CNIH1: variants seen among roughly 807,000 people sequenced by gnomAD.
CNIH1 encodes cornichon family member 1.
CNIH1 carries 12 observed loss-of-function variants against 20.2 expected under a neutral mutation model. The observed-to-expected ratio is 0.59, with a 90% CI of 0.38 to 0.96. The LOEUF (loss-of-function observed/expected upper bound fraction) is 0.96, where lower values mean the gene tolerates loss of function less well. CNIH1 is among the 40% of genes least tolerant of loss of function. CNIH1 has a pLI of 0.00. For missense variants in CNIH1, 152 were observed against 178.8 expected (o/e 0.85, Z 0.85); for synonymous variants, 69 against 63.3 (o/e 1.09, Z -0.43).
chr14:54,427,658 A>G lies in CNIH1; in HGVS notation c.*156T>C. ...ATATGAAAACAGTCTTTCCACAAGCAAAAATGTGGAAACATTTAAAAAATA... is the reference window on the plus strand; with the variant it reads ...ATATGAAAACAGTCTTTCCACAAGCGAAAATGTGGAAACATTTAAAAAATA... On this transcript the variant is annotated 3_prime_UTR_variant, in exon 5 of 5. Transcript: ENST00000216416. The G allele has an allele frequency of 2.8e-6, 2 of 727,094 alleles. No homozygotes were observed. Among genetic ancestry groups the G allele is most frequent in the Non-Finnish European group, 4.6e-6 (2 of 434,002 alleles). 45.0% of individuals were successfully genotyped at this position (727,094 alleles called of 1,614,324 possible).
intron 4 of CNIH1, 45 bp from the exon 5 acceptor site, chr14:54,427,886 T>TA (rs371629087): frequency 5.6e-4 from 875 of 1,574,906 alleles, no homozygotes; most frequent in Middle Eastern, 1.5e-3. Flanking sequence ...TACTAATTAT[T>TA]AAAAAAAAAC....
At chr14:54,430,121 C>T (rs182620125) in intron 4 of CNIH1, 140 bp downstream of exon 4, 32 of 835,552 alleles carry the variant, frequency 3.8e-5, no homozygotes, top group Admixed American at 3.1e-4. Flanking sequence ...TGAATGTGTG[C>T]GAATTTGCTG....
intron 1 of CNIH1, among the ~76,000 whole-genome samples, chr14:54,437,429 C>A (rs2031075928): frequency 6.7e-6 from 1 of 149,540 alleles, no homozygotes; most frequent in South Asian, 2.1e-4. Flanking sequence ...AATTTAGATT[C>A]ATAAAAAGAC....
chr14:54,432,598 T>C (rs569322648), intron 2 of CNIH1, among the ~76,000 whole-genome samples: 2 of 152,316 alleles, frequency 1.3e-5, no homozygotes, highest in Admixed American at 1.3e-4. Flanking sequence ...AGATATCTGA[T>C]CACATGCAAC....
chr14:54,432,947 TAC>T (rs1464459571), intron 2 of CNIH1, among the ~76,000 whole-genome samples: 2 of 152,166 alleles, frequency 1.3e-5, no homozygotes, highest in Non-Finnish European at 2.9e-5. Context: ...AACAAAATGC[TAC>T]AGACACAACA....
intron 3 of CNIH1, 31 bp downstream of exon 3, chr14:54,432,077 A>C: frequency 8.2e-7 from 1 of 1,214,644 alleles, no homozygotes; most frequent in Middle Eastern, 2.8e-4. Context: ...TTTTAATTTA[A>C]AAAAATATTA....
intron 3 of CNIH1, 24 bp downstream of exon 3, chr14:54,432,084 A>T (rs745597432): frequency 7.9e-7 from 1 of 1,258,334 alleles, no homozygotes; most frequent in Non-Finnish European, 1.1e-6. Context: ...TTAAAAAAAT[A>T]TTAAAAGTGT....
At chr14:54,430,519 T>A in intron 3 of CNIH1, 115 bp from the exon 4 acceptor site, 2 of 964,942 alleles carry the variant, frequency 2.1e-6, no homozygotes, top group Non-Finnish European at 3.0e-6. Context: ...AGGGAAGCAT[T>A]CTTTTACTTA....
intron 1 of CNIH1, among the ~76,000 whole-genome samples, chr14:54,437,438 A>G (rs189553691): frequency 8.9e-4 from 132 of 148,550 alleles, no homozygotes; most frequent in African/African-American, 3.1e-3. Context: ...TCATAAAAAG[A>G]CGGTTTTTTT....
In CNIH1 at chr14:54,425,521, T is replaced by C. The variant is rs1377371053; in HGVS notation, c.*2293A>G. 6.6e-6 allele frequency: 1 copy of C among 152,166 alleles called. No homozygotes were observed. The highest frequency in any genetic ancestry group is 2.4e-5 in the African/African-American group (1 of 41,446). The allele number at this position is 152,166 out of a possible 1,614,324, so 9.4% of individuals were successfully genotyped here. A position where few individuals can be genotyped will look rare whatever the true frequency, so the allele number is the denominator to read the frequency against. On this transcript the variant is annotated 3_prime_UTR_variant, in exon 5 of 5. Coordinates refer to ENST00000216416, the MANE Select transcript of CNIH1 (RefSeq NM_005776.3). ...TAGGCTAGGGCCACCCCAAAGAGAT[T>C]GATGTGGAAAATAAATCCAGAGCAA... is the stretch of plus-strand genomic sequence containing the variant.
At chr14:54,431,755 G>A (rs1382614172) in intron 3 of CNIH1, among the ~76,000 whole-genome samples, 2 of 152,176 alleles carry the variant, frequency 1.3e-5, no homozygotes, top group Admixed American at 6.5e-5. Flanking sequence ...GAGGGTAACT[G>A]ACTTAAGATG....
intron 1 of CNIH1, among the ~76,000 whole-genome samples, chr14:54,439,491 C>T (rs2031124126): frequency 6.6e-6 from 1 of 151,970 alleles, no homozygotes; most frequent in African/African-American, 2.4e-5. Context: ...GAATACCCAT[C>T]AAGCAGAATG....
At chr14:54,436,342 A>G (rs953317220) in intron 2 of CNIH1, 27 bp downstream of exon 2, 3 of 1,260,058 alleles carry the variant, frequency 2.4e-6, no homozygotes, top group East Asian at 4.6e-5. Context: ...TTTAAAATCT[A>G]AAGATAAATC....
intron 4 of CNIH1, among the ~76,000 whole-genome samples, chr14:54,429,620 G>A (rs999737546): frequency 1.2e-4 from 18 of 152,124 alleles, no homozygotes; most frequent in South Asian, 1.0e-3. Context: ...TTAGCCGGGC[G>A]TGGTGGTGCA....
rs570173904 is a variant in CNIH1, at chr14:54,426,127, G to C, written c.*1687C>G. Reference sequence around the variant, plus strand: ...CCAGCAAGTACTCAATAAATAATTTGTTACATGAACTGACCAAGAGTCAGA... The same window carrying C: ...CCAGCAAGTACTCAATAAATAATTTCTTACATGAACTGACCAAGAGTCAGA... On this transcript the variant is annotated 3_prime_UTR_variant, in exon 5 of 5. Transcript: ENST00000216416. 35 of 152,298 alleles carry C rather than the reference G, an allele frequency of 2.3e-4. No individual in the cohort carries two copies. Among genetic ancestry groups the C allele is most frequent in the African/African-American group, 8.2e-4 (34 of 41,570 alleles). 9.4% of individuals were successfully genotyped at this position (152,298 alleles called of 1,614,324 possible).
chr14:54,428,510 A>G (rs2030870546), intron 4 of CNIH1, among the ~76,000 whole-genome samples: 1 of 152,248 alleles, frequency 6.6e-6, no homozygotes, highest in South Asian at 2.1e-4. Context: ...AAAGGAGTTG[A>G]ACAAGCTTGA....
chr14:54,430,187 G>A, intron 4 of CNIH1, 74 bp downstream of exon 4: 1 of 1,475,742 alleles, frequency 6.8e-7, no homozygotes, highest in Non-Finnish European at 9.3e-7. Flanking sequence ...ATTTTGAGGT[G>A]TGAAAACCAT....
chr14:54,441,047 G>C (rs1344282262), intron 1 of CNIH1, among the ~76,000 whole-genome samples, 200 bp downstream of exon 1: 1 of 151,774 alleles, frequency 6.6e-6, no homozygotes, highest in Non-Finnish European at 1.5e-5. Context: ...GGCAACGCGG[G>C]CGCGTCCACC....
rs1487721637 is a variant in CNIH1, at chr14:54,427,354, GT to G, written c.*459del. On this transcript the variant is annotated 3_prime_UTR_variant, in exon 5 of 5. Transcript: ENST00000216416. ...CATGACAGATGAGGAAACCCATGAA[GT>G]TTCCCACTAGTCAGATATACATTTT... 6.5e-6 allele frequency: 1 copy of G among 154,578 alleles called. No individual in the cohort carries two copies. The highest frequency in any genetic ancestry group is 6.5e-5 in the Admixed American group (1 of 15,414). The allele number at this position is 154,578 out of a possible 1,614,324, so 9.6% of individuals were successfully genotyped here.
Sources: allele counts gnomAD v4.1 joint callset (sites outside exome capture counted in the v4.1 genomes callset), GRCh38; gene constraint gnomAD v4.1.1; transcripts MANE v1.5; gene names NCBI Gene and HGNC (gene_info 2026-07-23, HGNC 2026-07-21).